NCOA6: variants seen among roughly 807,000 people sequenced by gnomAD.
NCOA6 encodes the protein NRC RAP250.
A neutral mutation model predicts 171.4 loss-of-function variants in NCOA6; 49 were observed. The observed-to-expected ratio is 0.29, with a 90% confidence interval of 0.23 to 0.36. The LOEUF (loss-of-function observed/expected upper bound fraction) is 0.36, where lower values mean the gene tolerates loss of function less well. Among genes scored for constraint, NCOA6 ranks in the 10% least tolerant of loss-of-function variants. The pLI is 1.00. For missense variants in NCOA6, 2,248 were observed against 2,554.5 expected (o/e 0.88, Z 2.59); for synonymous variants, 910 against 927.5 (o/e 0.98, Z 0.34).
intron 12 of NCOA6, among the ~76,000 whole-genome samples, chr20:34,735,898 T>C (rs965801485): frequency 6.6e-6 from 1 of 152,198 alleles, no homozygotes; most frequent in Non-Finnish European, 1.5e-5. Flanking sequence ...GTGTGTGAAT[T>C]GTAGTTTCAA....
At chr20:34,733,656 A>G (rs1303720407) in intron 12 of NCOA6, among the ~76,000 whole-genome samples, 1 of 152,102 alleles carries the variant, frequency 6.6e-6, no homozygotes, top group Non-Finnish European at 1.5e-5. Flanking sequence ...TATTATTGCT[A>G]TGAAGATCAG....
At chr20:34,817,186 CTG>C (rs2078867814) in intron 1 of NCOA6, among the ~76,000 whole-genome samples, 2 of 74,400 alleles carry the variant, frequency 2.7e-5, no homozygotes, top group Non-Finnish European at 6.8e-5. Context: ...TACTACGGAA[CTG>C]ATATTCAACA....
chr20:34,779,574 TTTG>T (rs1254985770), intron 3 of NCOA6, among the ~76,000 whole-genome samples: 1 of 152,180 alleles, frequency 6.6e-6, no homozygotes, highest in Non-Finnish European at 1.5e-5. Flanking sequence ...AATTTTCTCT[TTTG>T]TTATTAACTC....
intron 1 of NCOA6, chr20:34,820,630 G>C (rs1304488503): frequency 6.6e-6 from 1 of 151,914 alleles, no homozygotes; most frequent in African/African-American, 2.4e-5. Flanking sequence ...AATCAGCCAG[G>C]TGTGGTGGCA....
At chr20:34,720,745 A>G (rs1460656961) in intron 14 of NCOA6, among the ~76,000 whole-genome samples, 1 of 152,250 alleles carries the variant, frequency 6.6e-6, no homozygotes, top group African/African-American at 2.4e-5. Context: ...TCAGGTACCC[A>G]GCACTGCATA....
rs1042409170 is a variant in NCOA6 at position 34,808,198 on chromosome 20, ATC to A, written c.-163-15637_-163-15636del. Among the ~76,000 whole-genome samples the A allele has an allele frequency of 5.4e-4, 82 of 151,014 alleles. 1 individual carries two copies. Among genetic ancestry groups the A allele is most frequent in the Middle Eastern group, 7.0e-3 (2 of 286 alleles). On this transcript the variant is annotated intron_variant, in intron 1 of 14. Coordinates refer to ENST00000359003, the MANE Select transcript of NCOA6 (RefSeq NM_014071.5). ...GTGTCTTGCTATGTTGCCCAGGCTG[ATC>A]TCCAACTCCTGGCCTCAAACGGTCC...
chr20:34,781,685 G>A (rs1227541674), intron 3 of NCOA6, among the ~76,000 whole-genome samples: 1 of 152,206 alleles, frequency 6.6e-6, no homozygotes, highest in Non-Finnish European at 1.5e-5. Flanking sequence ...CCAGCAAGCT[G>A]TTAGCTAGTG....
chr20:34,715,445 G>A, intron 14 of NCOA6, 80 bp from the exon 15 acceptor site: 1 of 1,035,034 alleles, frequency 9.7e-7, no homozygotes, highest in Middle Eastern at 2.1e-4. Context: ...AACAAGCAGG[G>A]CAGACCTAAG....
rs7262796 is a variant in NCOA6 at position 34,775,693 on chromosome 20, G to A, written c.391+600C>T. Among the ~76,000 whole-genome samples the A allele has an allele frequency of 1.4e-3, 189 of 132,736 alleles. 1 individual carries two copies. The highest frequency in any genetic ancestry group is 8.3e-3 in the Middle Eastern group (2 of 242). The allele number at this position is 132,736 out of a possible 152,430, so 87.1% of individuals were successfully genotyped here. On this transcript the variant is annotated intron_variant, in intron 4 of 14. Coordinates refer to ENST00000359003, the MANE Select transcript of NCOA6 (RefSeq NM_014071.5). ...GTCTCAAAAAAAAAAAAAAAAAAAA[G>A]AAAAAAAAAAGAAAAGAAAATGAAT... is the stretch of plus-strand genomic sequence containing the variant.
At chr20:34,808,100 A>G (rs1335417196) in intron 1 of NCOA6, among the ~76,000 whole-genome samples, 1 of 151,582 alleles carries the variant, frequency 6.6e-6, no homozygotes, top group Non-Finnish European at 1.5e-5. Context: ...CAGTGAGCCA[A>G]GATGGTGCCA....
At chr20:34,824,472 C>T (rs1568913838) in intron 1 of NCOA6, among the ~76,000 whole-genome samples, 2 of 152,186 alleles carry the variant, frequency 1.3e-5, no homozygotes, top group Non-Finnish European at 1.5e-5. Flanking sequence ...GCTTCAATAA[C>T]GCCTTTCTGA....
rs1568741138 is a variant in NCOA6 at position 34,740,856 on chromosome 20, A to G, written c.5400T>C (p.Ser1800=). ...TTCGCCGGTTGCCAGAGGACCCTGG[A>G]CTATTGGTCAAAAGGGGAGAAACCA... The part of the protein sequence containing the change: ...TTMVSPLLTN[S]PGSSGNRRSP... Residue 1800 remains serine, a synonymous_variant, in exon 11 of 15, where the codon AGT becomes AGC. Coordinates refer to ENST00000359003, the MANE Select transcript of NCOA6 (RefSeq NM_014071.5). 1 of 1,614,220 alleles carries G rather than the reference A, an allele frequency of 6.2e-7. No individual in the cohort carries two copies. Among genetic ancestry groups the G allele is most frequent in the Admixed American group, 1.7e-5 (1 of 60,020 alleles).
At position 34,716,766 on chromosome 20, in the gene NCOA6, TAA is replaced by T. The variant is rs199646400; in HGVS notation, c.6149-1403_6149-1402del. Among the ~76,000 whole-genome samples, 8 of 140,012 alleles carry T rather than the reference TAA, an allele frequency of 5.7e-5. No homozygotes were observed. In the South Asian group the frequency reaches 6.9e-4, roughly 12 times the overall value. 91.9% of individuals were successfully genotyped at this position (140,012 alleles called of 152,430 possible). A position where few individuals can be genotyped will look rare whatever the true frequency, so the allele number is the denominator to read the frequency against. On this transcript the variant is annotated intron_variant, in intron 14 of 14. Coordinates refer to ENST00000359003, the MANE Select transcript of NCOA6 (RefSeq NM_014071.5). ...GGGTGACAGAGACCCCATCTCTATT[TAA>T]AAAAAAAAAAAAAATTCTACACAAA... is the stretch of plus-strand genomic sequence containing the variant.
intron 1 of NCOA6, among the ~76,000 whole-genome samples, chr20:34,796,309 CTGAAA>C (rs1349203408): frequency 6.6e-6 from 1 of 151,926 alleles, no homozygotes; most frequent in African/African-American, 2.4e-5. Context: ...CGCACCCGAC[CTGAAA>C]TATTTCATAT....
intron 13 of NCOA6, among the ~76,000 whole-genome samples, chr20:34,727,977 G>A (rs1425044626): frequency 1.3e-5 from 2 of 151,740 alleles, no homozygotes; most frequent in Non-Finnish European, 2.9e-5. Context: ...CACCCACCTC[G>A]GCCTCCCAAA....
intron 1 of NCOA6, among the ~76,000 whole-genome samples, chr20:34,824,760 G>A (rs954000750): frequency 6.6e-6 from 1 of 152,128 alleles, no homozygotes; most frequent in African/African-American, 2.4e-5. Context: ...GGGGGTGGAG[G>A]ATGCTTGGGA....
chr20:34,792,704 A>C (rs538191913), intron 1 of NCOA6, 141 bp from the exon 2 acceptor site: 3 of 391,634 alleles, frequency 7.7e-6, no homozygotes, highest in Admixed American at 4.4e-5. Context: ...ACAAGTTATC[A>C]AGTCAGCATT....
In NCOA6 at chr20:34,742,087, A is replaced by G; in HGVS notation, c.4169T>C (p.Phe1390Ser). Reference sequence around the variant, plus strand: ...AGGATTCAGCCCACTGTTGTTAGGAAAGCTCCCAGGTACAGGGGGATTGGC... The same window carrying G: ...AGGATTCAGCCCACTGTTGTTAGGAGAGCTCCCAGGTACAGGGGGATTGGC... ...PLANPPVPGS[F>S]PNNSGLNPQN... The change falls in exon 11 of 15, where the codon TTT (phenylalanine) becomes TCT (serine). Residue 1390 changes from phenylalanine to serine, a missense_variant. By Grantham distance (155) the Phe-to-Ser change is radical. Transcript: ENST00000359003. 1 of 1,614,192 alleles carries G rather than the reference A, an allele frequency of 6.2e-7. No homozygotes were observed. Among genetic ancestry groups the G allele is most frequent in the Non-Finnish European group, 8.5e-7 (1 of 1,180,032 alleles).
chr20:34,810,757 C>T (rs2078629561), intron 1 of NCOA6, among the ~76,000 whole-genome samples: 1 of 152,118 alleles, frequency 6.6e-6, no homozygotes, highest in African/African-American at 2.4e-5. Context: ...GCGGTTTCAC[C>T]GTGGTCTCGA....
Sources: gnomAD v4.1 joint callset for allele counts (sites outside exome capture counted in the v4.1 genomes callset) on GRCh38, gnomAD v4.1.1 for gene constraint, MANE v1.5 for transcripts, NCBI Gene and HGNC (gene_info 2026-07-23, HGNC 2026-07-21) for gene names.